SNED1: variants seen among roughly 807,000 people sequenced by gnomAD.
SNED1 encodes the protein sushi, nidogen and EGF-like domain-containing protein 1.
Under a neutral mutation model 166.7 loss-of-function variants are expected in SNED1, and 81 were observed. The observed-to-expected ratio is 0.49, with a 90% CI of 0.41 to 0.58. The LOEUF (loss-of-function observed/expected upper bound fraction) is 0.58. Among genes scored for constraint, SNED1 ranks in the 20% least tolerant of loss-of-function variants. The pLI is 0.00. For missense variants in SNED1, 1,604 were observed against 2,000.2 expected (o/e 0.80, Z 3.78); for synonymous variants, 762 against 822.0 (o/e 0.93, Z 1.25).
At chr2:241,015,190 G>T (rs1156518077) in intron 1 of SNED1, among the ~76,000 whole-genome samples, 1 of 152,224 alleles carries the variant, frequency 6.6e-6, no homozygotes, top group Non-Finnish European at 1.5e-5. Flanking sequence ...TGACTATACA[G>T]ATCAATGTGA....
Position 241,048,707 on chromosome 2 carries a change from G to A in SNED1, c.1445G>A (p.Gly482Asp), listed in dbSNP as rs201249312. ...TGCCGCAACGGAGGCAGATGCCTGG[G>A]CGCCAACACCACCCTCTGCCAGTGC... is the stretch of plus-strand genomic sequence containing the variant. ...CECRNGGRCL[G>D]ANTTLCQCPL... Residue 482 changes from glycine to aspartate, a missense_variant, in exon 10 of 32, where the codon GGC becomes GAC. Gly to Asp is a moderately conservative substitution (Grantham distance 94). Around this residue, in one of 2 missense-constraint regions of SNED1, gnomAD observed 1,237 missense variants for 1,620.8 expected, o/e 0.76. Transcript: ENST00000310397. 2 of 1,613,034 alleles carry A rather than the reference G, an allele frequency of 1.2e-6. No individual in the cohort carries two copies. The highest frequency in any genetic ancestry group is 2.7e-5 in the African/African-American group (2 of 75,060).
chr2:241,073,470 C>T lies in SNED1; in HGVS notation c.3916+106C>T. 1 of 916,482 alleles carries T rather than the reference C, an allele frequency of 1.1e-6. No individual in the cohort carries two copies. 56.8% of individuals were successfully genotyped at this position (916,482 alleles called of 1,614,324 possible). On this transcript the variant is annotated intron_variant, in intron 27 of 31. Coordinates refer to ENST00000310397, the MANE Select transcript of SNED1 (RefSeq NM_001080437.3). This position sits in a 1 kb window ranked among gnomAD's most constrained non-coding sequence, Gnocchi z 6.6. ...ACCCACGGTGAGGAATCAGGAGGCACAGAGCCTACCTGAGGGGAGGCTGAG... is the reference window on the plus strand; with the variant it reads ...ACCCACGGTGAGGAATCAGGAGGCATAGAGCCTACCTGAGGGGAGGCTGAG...
chr2:241,043,838 T>C (rs973591640), intron 8 of SNED1, among the ~76,000 whole-genome samples: 2 of 152,168 alleles, frequency 1.3e-5, no homozygotes, highest in Non-Finnish European at 2.9e-5. Flanking sequence ...AATGAATAGG[T>C]ATGGCTGTGT....
chr2:241,009,904 G>C (rs2060336705), intron 1 of SNED1: 1 of 152,166 alleles, frequency 6.6e-6, no homozygotes, highest in South Asian at 2.1e-4. Flanking sequence ...TTCAGGGCTG[G>C]CGTGAGGCCG....
chr2:241,003,829 T>C (rs56866403), intron 1 of SNED1, among the ~76,000 whole-genome samples: 1 of 152,400 alleles, frequency 6.6e-6, no homozygotes, highest in African/African-American at 2.4e-5. Context: ...CTGTGTGTGA[T>C]GGGCCACGAG....
intron 8 of SNED1, among the ~76,000 whole-genome samples, chr2:241,043,788 C>T (rs777595759): frequency 6.6e-6 from 1 of 152,188 alleles, no homozygotes; most frequent in African/African-American, 2.4e-5. Flanking sequence ...CTCAACTCTA[C>T]CATTGTAATG....
chr2:241,063,872 T>C, intron 18 of SNED1, 140 bp from the exon 19 acceptor site: 1 of 736,204 alleles, frequency 1.4e-6, no homozygotes, highest in Non-Finnish European at 2.2e-6. Flanking sequence ...TGGGGAGGGC[T>C]GAGGGGCGGG....
At chr2:241,089,985 C>T (rs1333486453) in intron 31 of SNED1, 1 of 1,548,434 alleles carries the variant, frequency 6.5e-7, no homozygotes, top group Non-Finnish European at 8.7e-7. Flanking sequence ...TATACCTGGG[C>T]AGGGCGCTTA....
intron 1 of SNED1, among the ~76,000 whole-genome samples, chr2:241,027,705 T>A (rs2061018275): frequency 6.6e-6 from 1 of 151,640 alleles, no homozygotes; most frequent in East Asian, 1.9e-4. Context: ...TTTCTCCACA[T>A]CTTCACCAAC....
At position 241,025,017 on chromosome 2, in the gene SNED1, C is replaced by G. The variant is rs542254758; in HGVS notation, c.214-5267C>G. On this transcript the variant is annotated intron_variant, in intron 1 of 31. Coordinates refer to ENST00000310397, the MANE Select transcript of SNED1 (RefSeq NM_001080437.3). Reference sequence around the variant, plus strand: ...CCTCTATCAGTATAGAATATGGACACTGTTTCTATTTTGGTGATTACCCTA... The same window carrying G: ...CCTCTATCAGTATAGAATATGGACAGTGTTTCTATTTTGGTGATTACCCTA... Among the ~76,000 whole-genome samples, 37 of 152,246 alleles carry G rather than the reference C, an allele frequency of 2.4e-4. No individual in the cohort carries two copies. In the East Asian group the frequency reaches 6.2e-3, roughly 25 times the overall value.
Position 241,094,508 on chromosome 2 carries a change from T to G in SNED1, c.*2872T>G, listed in dbSNP as rs1288105126. Reference sequence around the variant, plus strand: ...ATGCAGCTCACACCTACCAGGGGTATTCCAGTGCATAGGGGAAAGGAACCC... The same window carrying G: ...ATGCAGCTCACACCTACCAGGGGTAGTCCAGTGCATAGGGGAAAGGAACCC... On this transcript the variant is annotated 3_prime_UTR_variant, in exon 32 of 32. Transcript: ENST00000310397. This position sits in a 1 kb window ranked among gnomAD's most constrained non-coding sequence, Gnocchi z 4.3. 2 of 425,888 alleles carry G rather than the reference T, an allele frequency of 4.7e-6. No individual in the cohort carries two copies. The highest frequency in any genetic ancestry group is 9.7e-6 in the Non-Finnish European group (2 of 206,270). 26.4% of individuals were successfully genotyped at this position (425,888 alleles called of 1,614,324 possible). A position where few individuals can be genotyped will look rare whatever the true frequency, so the allele number is the denominator to read the frequency against.
chr2:241,033,034 G>A (rs2061237409), intron 2 of SNED1, among the ~76,000 whole-genome samples: 2 of 152,144 alleles, frequency 1.3e-5, no homozygotes, highest in Admixed American at 1.3e-4. Flanking sequence ...GGTTTTTGCT[G>A]TGAACAAACA....
At position 241,073,422 on chromosome 2, in the gene SNED1, A is replaced by G; in HGVS notation, c.3916+58A>G. On this transcript the variant is annotated intron_variant, in intron 27 of 31. Coordinates refer to ENST00000310397, the MANE Select transcript of SNED1 (RefSeq NM_001080437.3). This position sits in a 1 kb window ranked among gnomAD's most constrained non-coding sequence, Gnocchi z 6.6. ...CTGACTGACTGCTCTCAGGGGCCTT[A>G]GAGGCTGCAGGCAGGAGGGACCACC... The G allele has an allele frequency of 7.1e-6, 10 of 1,415,538 alleles. No individual in the cohort carries two copies. The highest frequency in any genetic ancestry group is 9.8e-6 in the Non-Finnish European group (10 of 1,023,586). 87.7% of individuals were successfully genotyped at this position (1,415,538 alleles called of 1,614,324 possible).
At chr2:241,031,889 C>G (rs767057875) in intron 2 of SNED1, among the ~76,000 whole-genome samples, 1 of 152,198 alleles carries the variant, frequency 6.6e-6, no homozygotes, top group Non-Finnish European at 1.5e-5. Context: ...CAGCACCAAG[C>G]GGCACGTGAA....
At chr2:241,079,086 C>T (rs560570290) in intron 27 of SNED1, among the ~76,000 whole-genome samples, 1 of 139,602 alleles carries the variant, frequency 7.2e-6, no homozygotes, top group South Asian at 2.3e-4. Flanking sequence ...TGCACTCCAG[C>T]CTGGGTGACA....
chr2:241,076,391 A>C (rs2063021441), intron 27 of SNED1, among the ~76,000 whole-genome samples: 1 of 152,214 alleles, frequency 6.6e-6, no homozygotes, highest in African/African-American at 2.4e-5. Context: ...ATAGTTTGAT[A>C]CTAGTATATA....
intron 1 of SNED1, 72 bp from the exon 2 acceptor site, chr2:241,030,211 TG>T: frequency 1.4e-6 from 2 of 1,405,292 alleles, no homozygotes; most frequent in Non-Finnish European, 1.9e-6. Flanking sequence ...TGGCAGGGGC[TG>T]GGGAGGCTGC....
At chr2:241,019,070 T>G (rs1276063986) in intron 1 of SNED1, among the ~76,000 whole-genome samples, 1 of 151,876 alleles carries the variant, frequency 6.6e-6, no homozygotes, top group Non-Finnish European at 1.5e-5. Context: ...CAGGAGCACA[T>G]GCCCATGGTG....
At position 241,036,934 on chromosome 2, in the gene SNED1, G is replaced by A. The variant is rs1213507032; in HGVS notation, c.931+19G>A. ...CACCTGGGTGAGTGACTGGCCCAGG[G>A]CGGGACCACCCGCTGGCTGCGCTGG... On this transcript the variant is annotated intron_variant, in intron 5 of 31. Coordinates refer to ENST00000310397, the MANE Select transcript of SNED1 (RefSeq NM_001080437.3). 11 of 1,601,970 alleles carry A rather than the reference G, an allele frequency of 6.9e-6. No individual in the cohort carries two copies. The South Asian group carries it at 1.0e-4, about 15-fold the overall frequency.
Sources: allele counts gnomAD v4.1 joint callset (sites outside exome capture counted in the v4.1 genomes callset), GRCh38; gene constraint gnomAD v4.1.1; regional missense constraint gnomAD v4.1.1; non-coding constraint Gnocchi (gnomAD v3.1); transcripts MANE v1.5; gene names NCBI Gene and HGNC (gene_info 2026-07-23, HGNC 2026-07-21).